The following MEN1 variants were observed in gnomAD, a reference collection of about 807,000 sequenced individuals.
MEN1 encodes the protein menin.
A neutral mutation model predicts 58.0 loss-of-function variants in MEN1; 6 were observed. The ratio of observed to expected loss-of-function variants is 0.10; its 90% CI spans 0.06 to 0.20. The LOEUF is 0.20. Ranked by LOEUF, MEN1 falls within the 10% of genes least tolerant of loss-of-function variation. The pLI, the probability that MEN1 is intolerant of heterozygous loss-of-function variation, is 1.00. For synonymous variants in MEN1, 346 were observed against 350.7 expected (o/e 0.99, Z 0.15); for missense variants, 492 against 818.5 (o/e 0.60, Z 4.87).
Position 64,807,906 on chromosome 11 carries a change from G to A in MEN1, c.639C>T (p.Ala213=), listed in dbSNP as rs746067825. The A allele has an allele frequency of 1.1e-5, 17 of 1,614,004 alleles. No homozygotes were observed. Among genetic ancestry groups the A allele is most frequent in the African/African-American group, 6.7e-5 (5 of 74,916 alleles). ...GGAACAATACCCGCTCAGCCACACCGGCATTGACTGTCTGGCCCCTGCGGT... is the reference window on the plus strand; with the variant it reads ...GGAACAATACCCGCTCAGCCACACCAGCATTGACTGTCTGGCCCCTGCGGT... ...NEDRRGQTVN[A]GVAERSWLYL... Residue 213 remains alanine, a synonymous_variant, in exon 3 of 10, where the codon GCC becomes GCT. Coordinates refer to ENST00000450708, the MANE Select transcript of MEN1 (RefSeq NM_001370259.2). The surrounding 1 kb of genome is among the most constrained non-coding windows in gnomAD (Gnocchi z 4.9).
intron 2 of MEN1, among the ~76,000 whole-genome samples, chr11:64,809,283 A>T (rs936789044): frequency 6.7e-6 from 1 of 150,308 alleles, no homozygotes; most frequent in Non-Finnish European, 1.5e-5. Flanking sequence ...AAAAAAAAAA[A>T]TCTTCATAGC....
intron 8 of MEN1, 117 bp from the exon 9 acceptor site, chr11:64,805,315 G>C (rs1941643193): frequency 1.6e-6 from 2 of 1,225,338 alleles, no homozygotes; most frequent in East Asian, 4.9e-5. Context: ...GTAAGCATAG[G>C]TTGGGAACAT....
At position 64,807,454 on chromosome 11, in the gene MEN1, G is replaced by A; in HGVS notation, c.783+98C>T. On this transcript the variant is annotated intron_variant, in intron 4 of 9. Transcript: ENST00000450708. This position sits in a 1 kb window ranked among gnomAD's most constrained non-coding sequence, Gnocchi z 4.9. ...TTACTAACCCATTTTTCCAGGAGGG[G>A]AAGCTGAAGCTCAGGAAGGGAAAGT... The A allele has an allele frequency of 7.5e-7, 1 of 1,336,004 alleles. No homozygotes were observed. Among genetic ancestry groups the A allele is most frequent in the Non-Finnish European group, 1.1e-6 (1 of 943,884 alleles). 82.8% of individuals were successfully genotyped at this position (1,336,004 alleles called of 1,614,324 possible).
In MEN1 at chr11:64,804,758, G is replaced by T; in HGVS notation, c.1409C>A (p.Pro470Gln). ...GCCTTCCCGGGCTTCCTCGCCCCAC[G>T]GCTCCTCGGCCTCGGCCGCCTCGGC... ...REAEAAEAEE[P>Q]WGEEAREGRR... The change falls in exon 10 of 10, where the codon CCG becomes CAG. Residue 470 changes from proline (P) to glutamine (Q), a missense_variant. Coordinates refer to ENST00000450708, the MANE Select transcript of MEN1 (RefSeq NM_001370259.2). This position sits in a 1 kb window ranked among gnomAD's most constrained non-coding sequence, Gnocchi z 4.2. The T allele has an allele frequency of 1.3e-6, 2 of 1,597,034 alleles. No homozygotes were observed. Among genetic ancestry groups the T allele is most frequent in the Non-Finnish European group, 1.7e-6 (2 of 1,178,814 alleles).
rs952104480 is a variant in MEN1, at chr11:64,810,118, G to A, written c.-9C>T. The A allele has an allele frequency of 9.7e-6, 15 of 1,543,810 alleles. No individual in the cohort carries two copies. Among genetic ancestry groups the A allele is most frequent in the Non-Finnish European group, 1.3e-5 (15 of 1,147,642 alleles). ...GCGGCCTTCAGCCCCATGGCGGCGG[G>A]CGGTGGGCGGCGGCCTGCAAGGCAA... On this transcript the variant is annotated 5_prime_UTR_variant, in exon 2 of 10. Coordinates refer to ENST00000450708, the MANE Select transcript of MEN1 (RefSeq NM_001370259.2).
At chr11:64,810,622 G>A (rs1942065394), upstream of MEN1, 1 of 157,060 alleles carries the variant, frequency 6.4e-6, no homozygotes, top group African/African-American at 2.4e-5. Context: ...AGTGGAGTCT[G>A]GGCCCACCCC....
At position 64,809,776 on chromosome 11, in the gene MEN1, C is replaced by T. The variant is rs2136183294; in HGVS notation, c.334G>A (p.Val112Ile). The change falls in exon 2 of 10, where the codon GTC becomes ATC. Residue 112 changes from valine (V) to isoleucine (I), a missense_variant. Val to Ile is a conservative substitution (Grantham distance 29). Transcript: ENST00000450708. Reference sequence around the variant, plus strand: ...TTCTTCACCAGCTCACGGCTGGAGACACCCCCTTCTCGAGGATAGAGGGAC... The same window carrying T: ...TTCTTCACCAGCTCACGGCTGGAGATACCCCCTTCTCGAGGATAGAGGGAC... ...DLSLYPREGG[V>I]SSRELVKKVS... The T allele has an allele frequency of 1.2e-6, 2 of 1,614,080 alleles. No individual in the cohort carries two copies. The highest frequency in any genetic ancestry group is 1.7e-6 in the Non-Finnish European group (2 of 1,180,016).
In MEN1 at chr11:64,804,963, G is replaced by T; in HGVS notation, c.1350+71C>A. The T allele has an allele frequency of 6.2e-7, 1 of 1,603,540 alleles. No individual in the cohort carries two copies. Among genetic ancestry groups the T allele is most frequent in the South Asian group, 1.1e-5 (1 of 90,970 alleles). ...ATGGGCAGATGCTGCCCCTGGGCCAGAAAAGTCTGACAAGCCCGTGGCTGC... is the reference window on the plus strand; with the variant it reads ...ATGGGCAGATGCTGCCCCTGGGCCATAAAAGTCTGACAAGCCCGTGGCTGC... On this transcript the variant is annotated intron_variant, in intron 9 of 9. Coordinates refer to ENST00000450708, the MANE Select transcript of MEN1 (RefSeq NM_001370259.2). The surrounding 1 kb of genome is among the most constrained non-coding windows in gnomAD (Gnocchi z 4.2).
In MEN1 at chr11:64,809,859, G is replaced by T; in HGVS notation, c.251C>A (p.Ser84Tyr). The T allele has an allele frequency of 6.2e-7, 1 of 1,610,516 alleles. No homozygotes were observed. The highest frequency in any genetic ancestry group is 2.2e-5 in the East Asian group (1 of 44,742). ...GLTYFPVADL[S>Y]IIAALYARFT... ...GCGGGCATAGAGGGCGGCGATGATAGACAGGTCGGCCACGGGAAAGTAGGT... is the reference window on the plus strand; with the variant it reads ...GCGGGCATAGAGGGCGGCGATGATATACAGGTCGGCCACGGGAAAGTAGGT... The change falls in exon 2 of 10, where the codon TCT (serine) becomes TAT (tyrosine). Residue 84 changes from serine to tyrosine, a missense_variant. Transcript: ENST00000450708.
rs1592646297 is a variant in MEN1 at position 64,807,023 on chromosome 11, G to A, written c.900C>T (p.Thr300=). ...EPTPGRPDPL[T]LYHKGIASAK... is the part of the protein sequence containing the mutation. The stretch of plus-strand genomic sequence containing the variant: ...TAGATGCCCCCACCTTGTGGTAGAG[G>A]GTGAGTGGGTCTGGCCGGCCAGGGG... The change falls in exon 6 of 10, where the codon ACC becomes ACT. Residue 300 remains threonine, a synonymous_variant. Coordinates refer to ENST00000450708, the MANE Select transcript of MEN1 (RefSeq NM_001370259.2). The surrounding 1 kb of genome is among the most constrained non-coding windows in gnomAD (Gnocchi z 4.9). 1 of 1,612,952 alleles carries A rather than the reference G, an allele frequency of 6.2e-7. No individual in the cohort carries two copies. The highest frequency in any genetic ancestry group is 8.5e-7 in the Non-Finnish European group (1 of 1,180,002).
chr11:64,806,339 C>T lies in MEN1; in HGVS notation c.942G>A (p.Arg314=), dbSNP rs1371603589. The part of the protein sequence containing the change: ...KGIASAKTYY[R]DEHIYPYMYL... Reference sequence around the variant, plus strand: ...ACATGTAGGGGTAGATGTGTTCATCCCGATAGTAGGTCTTGGCTGAGGCAA... The same window carrying T: ...ACATGTAGGGGTAGATGTGTTCATCTCGATAGTAGGTCTTGGCTGAGGCAA... The change falls in exon 7 of 10, where the codon CGG becomes CGA. Residue 314 remains arginine, a synonymous_variant. Transcript: ENST00000450708. 1 of 1,614,200 alleles carries T rather than the reference C, an allele frequency of 6.2e-7. No homozygotes were observed.
At position 64,804,201 on chromosome 11, in the gene MEN1, C is replaced by T; in HGVS notation, c.*133G>A. 4 of 1,186,758 alleles carry T rather than the reference C, an allele frequency of 3.4e-6. No homozygotes were observed. The highest frequency in any genetic ancestry group is 3.7e-6 in the Non-Finnish European group (3 of 805,230). 73.5% of individuals were successfully genotyped at this position (1,186,758 alleles called of 1,614,324 possible). ...TCGTGGGTTTGATACAGACTGTACTCGGGACCGGGAACCTAGGGTTTGGGT... is the reference window on the plus strand; with the variant it reads ...TCGTGGGTTTGATACAGACTGTACTTGGGACCGGGAACCTAGGGTTTGGGT... On this transcript the variant is annotated 3_prime_UTR_variant, in exon 10 of 10. Transcript: ENST00000450708. The surrounding 1 kb of genome is among the most constrained non-coding windows in gnomAD (Gnocchi z 4.2).
intron 6 of MEN1, among the ~76,000 whole-genome samples, chr11:64,806,637 A>G (rs71526464): frequency 1.2e-4 from 19 of 152,190 alleles, no homozygotes; most frequent in Non-Finnish European, 2.4e-4. Context: ...ACACTCTTCT[A>G]CACATCACCA....
rs1431910592 is a variant in MEN1 at position 64,806,991 on chromosome 11, C to A, written c.912+20G>T. 2 of 1,611,150 alleles carry A rather than the reference C, an allele frequency of 1.2e-6. No homozygotes were observed. Among genetic ancestry groups the A allele is most frequent in the African/African-American group, 2.7e-5 (2 of 74,828 alleles). On this transcript the variant is annotated intron_variant, in intron 6 of 9. Transcript: ENST00000450708. ...CCACTGTTAGGGTCTCCCTTCTGCA[C>A]CCTCCTTAGATGCCCCCACCTTGTG...
At chr11:64,805,956 A>C (rs1278896824) in intron 7 of MEN1, 186 bp from the exon 8 acceptor site, 5 of 683,772 alleles carry the variant, frequency 7.3e-6, no homozygotes, top group Non-Finnish European at 1.3e-5. Flanking sequence ...CATGGGGCCG[A>C]GGGTGGAAGT....
rs764290037 is a variant in MEN1, at chr11:64,807,232, GGA to G, written c.784-15_784-14del. 826 of 1,612,342 alleles carry G rather than the reference GGA, an allele frequency of 5.1e-4. 2 individuals carry two copies. Among genetic ancestry groups the G allele is most frequent in the Non-Finnish European group, 6.4e-4 (750 of 1,179,728 alleles). ...GCCAGAGCAGCTTCTAGGAGCCGAAGGAGAGAGTTATGAGCCACGGAACAGGG... is the reference window on the plus strand; with the variant it reads ...GCCAGAGCAGCTTCTAGGAGCCGAAGGAGAGTTATGAGCCACGGAACAGGG... On this transcript the variant is annotated splice_polypyrimidine_tract_variant and intron_variant, in intron 4 of 9. Coordinates refer to ENST00000450708, the MANE Select transcript of MEN1 (RefSeq NM_001370259.2). This position sits in a 1 kb window ranked among gnomAD's most constrained non-coding sequence, Gnocchi z 4.9.
chr11:64,807,194 A>C lies in MEN1; in HGVS notation c.809T>G (p.Leu270Arg), dbSNP rs1592647333. Residue 270 changes from leucine (L) to arginine (R), a missense_variant, in exon 5 of 10, where the codon CTG (leucine) becomes CGG (arginine). Physicochemically the swap from Leu to Arg is moderately radical, Grantham distance 102 (BLOSUM62 -2). Transcript: ENST00000450708. This position sits in a 1 kb window ranked among gnomAD's most constrained non-coding sequence, Gnocchi z 4.9. ...CTCTACTGACCTTTCCAGATGTCCC[A>C]GGTCATAGAGCAGCCAGAGCAGCTT... ...QQKLLWLLYD[L>R]GHLERYPMAL... 1 of 1,613,954 alleles carries C rather than the reference A, an allele frequency of 6.2e-7. No homozygotes were observed. Among genetic ancestry groups the C allele is most frequent in the South Asian group, 1.1e-5 (1 of 91,048 alleles).
chr11:64,804,612 G>T lies in MEN1; in HGVS notation c.1555C>A (p.Pro519Thr). ...GAVSGPPRKPPGTVAGTARGP... is the reference protein window; with the variant it reads ...GAVSGPPRKPTGTVAGTARGP... ...CGGGCTGTGCCAGCGACAGTCCCAGGAGGCTTCCGGGGGGGTCCTGACACT... is the reference window on the plus strand; with the variant it reads ...CGGGCTGTGCCAGCGACAGTCCCAGTAGGCTTCCGGGGGGGTCCTGACACT... Residue 519 changes from proline to threonine, a missense_variant, in exon 10 of 10, where the codon CCT (proline) becomes ACT (threonine). By Grantham distance (38) the Pro-to-Thr change is conservative (BLOSUM62 -1). Transcript: ENST00000450708. This position sits in a 1 kb window ranked among gnomAD's most constrained non-coding sequence, Gnocchi z 4.2. 6.2e-7 allele frequency: 1 copy of T among 1,609,706 alleles called. No individual in the cohort carries two copies.
chr11:64,804,788 C>T lies in MEN1; in HGVS notation c.1379G>A (p.Arg460Gln), dbSNP rs200035619. Reference sequence around the variant, plus strand: ...CTCGGCCTCGGCCGCCTCGGCCTCTCGGCTCACTATGCGCACCTTCTGCCG... The same window carrying T: ...CTCGGCCTCGGCCGCCTCGGCCTCTTGGCTCACTATGCGCACCTTCTGCCG... The part of the protein sequence containing the change: ...QVRQKVRIVS[R>Q]EAEAAEAEEP... The change falls in exon 10 of 10, where the codon CGA (arginine) becomes CAA (glutamine). Residue 460 changes from arginine to glutamine, a missense_variant. Around this residue, in one of 5 missense-constraint regions of MEN1, gnomAD observed 45 missense variants for 66.9 expected, o/e 0.67. Coordinates refer to ENST00000450708, the MANE Select transcript of MEN1 (RefSeq NM_001370259.2). The surrounding 1 kb of genome is among the most constrained non-coding windows in gnomAD (Gnocchi z 4.2). 11 of 1,597,174 alleles carry T rather than the reference C, an allele frequency of 6.9e-6. No homozygotes were observed. The highest frequency in any genetic ancestry group is 1.7e-5 in the Admixed American group (1 of 59,942).
Sources: allele counts gnomAD v4.1 joint callset (sites outside exome capture counted in the v4.1 genomes callset), GRCh38; gene constraint gnomAD v4.1.1; regional missense constraint gnomAD v4.1.1; non-coding constraint Gnocchi (gnomAD v3.1); transcripts MANE v1.5; gene names NCBI Gene and HGNC (gene_info 2026-07-23, HGNC 2026-07-21).